ELP4: variants seen among roughly 807,000 people sequenced by gnomAD.
The protein encoded by ELP4 is elongator acetyltransferase complex subunit 4.
ELP4 carries 51 observed loss-of-function variants against 48.9 expected under a neutral mutation model. The observed-to-expected ratio is 1.04, with a 90% CI of 0.83 to 1.32. The LOEUF is 1.32. Ranked by LOEUF, ELP4 falls within the 40% of genes most tolerant of loss-of-function variation. The pLI, the probability that ELP4 is intolerant of heterozygous loss-of-function variation, is 0.00. For missense variants in ELP4, 519 were observed against 514.6 expected (o/e 1.01, Z -0.08); for synonymous variants, 210 against 189.2 (o/e 1.11, Z -0.90).
chr11:31,510,899 T>C (rs1955985377), intron 1 of ELP4: 1 of 152,368 alleles, frequency 6.6e-6, no homozygotes, highest in African/African-American at 2.4e-5. Flanking sequence ...TAAAACCCCG[T>C]CTGTGTTTAC....
At chr11:31,522,441 A>T (rs1487411204) in intron 2 of ELP4, among the ~76,000 whole-genome samples, 1 of 152,198 alleles carries the variant, frequency 6.6e-6, no homozygotes, top group Non-Finnish European at 1.5e-5. Flanking sequence ...AATACATCTT[A>T]GACCTCAATT....
chr11:31,565,625 C>A lies in ELP4; in HGVS notation c.381+25842C>A, dbSNP rs7113334. ...AGTTTTCCCAGCACCATTTATTAAA[C>A]AGAGAATCCTTTCCCCATCTCTTGT... On this transcript the variant is annotated intron_variant, in intron 3 of 9. Transcript: ENST00000640961. Among the ~76,000 whole-genome samples, 245 of 142,196 alleles carry A rather than the reference C, an allele frequency of 1.7e-3. 1 individual carries two copies. The highest frequency in any genetic ancestry group is 2.9e-3 in the Non-Finnish European group (194 of 66,400). 93.3% of individuals were successfully genotyped at this position (142,196 alleles called of 152,430 possible).
intron 7 of ELP4, among the ~76,000 whole-genome samples, chr11:31,641,918 G>A (rs899998265): frequency 6.6e-6 from 1 of 151,824 alleles, no homozygotes; most frequent in South Asian, 2.1e-4. Context: ...TTCAAGGCAG[G>A]GCGTGAGCTT....
chr11:31,631,214 A>G (rs1332336658), intron 6 of ELP4, among the ~76,000 whole-genome samples: 1 of 152,178 alleles, frequency 6.6e-6, no homozygotes, highest in Non-Finnish European at 1.5e-5. Context: ...ATATTGTGTT[A>G]GACAATAACT....
At position 31,789,979 on chromosome 11, in the gene ELP4, G is replaced by A. The variant is rs369180308; in HGVS notation, c.*6455G>A. ...ATTGAGACATATCAGGTTCACTTCC[G>A]GGAACTTGAACTGGAACTGACACAC... On this transcript the variant is annotated 3_prime_UTR_variant, in exon 10 of 10. Coordinates refer to ENST00000640961, the MANE Select transcript of ELP4 (RefSeq NM_019040.5). The A allele has an allele frequency of 1.3e-5, 20 of 1,599,052 alleles. No individual in the cohort carries two copies. Among genetic ancestry groups the A allele is most frequent in the Admixed American group, 6.9e-5 (4 of 58,030 alleles).
intron 9 of ELP4, among the ~76,000 whole-genome samples, chr11:31,735,728 G>T (rs980864610): frequency 1.3e-5 from 2 of 152,064 alleles, no homozygotes; most frequent in Admixed American, 1.3e-4. Context: ...ATTCACAATT[G>T]CTTCAAAGAG....
At chr11:31,716,883 A>G (rs946310871) in intron 9 of ELP4, among the ~76,000 whole-genome samples, 1 of 152,252 alleles carries the variant, frequency 6.6e-6, no homozygotes, top group African/African-American at 2.4e-5. Context: ...AAGAATTCAG[A>G]GAAAAGAGAA....
intron 9 of ELP4, among the ~76,000 whole-genome samples, chr11:31,777,051 C>T (rs188637668): frequency 6.6e-6 from 1 of 152,130 alleles, no homozygotes; most frequent in East Asian, 1.9e-4. Flanking sequence ...CTCCACATTG[C>T]AAATCCTAAC....
intron 9 of ELP4, among the ~76,000 whole-genome samples, chr11:31,672,728 A>G (rs1945834258): frequency 6.6e-6 from 1 of 152,118 alleles, no homozygotes; most frequent in Non-Finnish European, 1.5e-5. Flanking sequence ...GGTCAAGGCT[A>G]TGGTGAGCCA....
chr11:31,707,656 A>G (rs1286349807), intron 9 of ELP4, among the ~76,000 whole-genome samples: 1 of 152,154 alleles, frequency 6.6e-6, no homozygotes, highest in Non-Finnish European at 1.5e-5. Flanking sequence ...GGCTTAAAAT[A>G]ACATAAATTA....
intron 9 of ELP4, among the ~76,000 whole-genome samples, chr11:31,695,786 C>CCGT (rs1444856988): frequency 2.0e-5 from 2 of 102,308 alleles, no homozygotes; most frequent in Non-Finnish European, 4.2e-5. Flanking sequence ...GGCTGTGAAT[C>CCGT]CATCTGATCC....
intron 9 of ELP4, among the ~76,000 whole-genome samples, chr11:31,661,265 A>G (rs534893868): frequency 9.9e-5 from 15 of 152,220 alleles, no homozygotes; most frequent in Admixed American, 3.3e-4. Flanking sequence ...AGAAGCAAAT[A>G]ATGATAAATT....
rs111761772 is a variant in ELP4, at chr11:31,520,921, G to A, written c.259+830G>A. ...TTCATTTTCTCCTGAATCATGCCCC[G>A]ACCTAAATACAGTATTCCAAATGTA... On this transcript the variant is annotated intron_variant, in intron 2 of 9. Transcript: ENST00000640961. Among the ~76,000 whole-genome samples the A allele has an allele frequency of 4.0e-3, 607 of 151,910 alleles. 6 individuals carry two copies. The highest frequency in any genetic ancestry group is 0.014 in the African/African-American group (565 of 41,416).
intron 3 of ELP4, among the ~76,000 whole-genome samples, chr11:31,541,652 G>C (rs963528277): frequency 1.3e-4 from 20 of 152,064 alleles, no homozygotes; most frequent in Non-Finnish European, 1.0e-4. Flanking sequence ...TTTCAACCCA[G>C]GTAGCTGATG....
At chr11:31,763,460 G>A in intron 9 of ELP4, 1 of 1,610,240 alleles carries the variant, frequency 6.2e-7, no homozygotes, top group African/African-American at 1.3e-5. Flanking sequence ...TATCCTCCAG[G>A]CTTCTCATAC....
intron 5 of ELP4, among the ~76,000 whole-genome samples, chr11:31,623,980 TCAGG>T (rs1171683835): frequency 1.2e-4 from 18 of 151,778 alleles, no homozygotes; most frequent in African/African-American, 4.1e-4. Flanking sequence ...TTATTCATCA[TCAGG>T]GAAATGTACA....
At chr11:31,609,428 T>C (rs555778598) in intron 5 of ELP4, among the ~76,000 whole-genome samples, 15 of 152,220 alleles carry the variant, frequency 9.9e-5, no homozygotes, top group Non-Finnish European at 1.8e-4. Flanking sequence ...TTAAGAACAA[T>C]AGTTTTTTCC....
chr11:31,522,859 C>CTTT (rs1161716080), intron 2 of ELP4, among the ~76,000 whole-genome samples: 1 of 138,014 alleles, frequency 7.2e-6, no homozygotes, highest in Non-Finnish European at 1.6e-5. Flanking sequence ...AAGTTCTCCA[C>CTTT]TTTTTTTTTT....
At chr11:31,673,395 A>G (rs1164021310) in intron 9 of ELP4, among the ~76,000 whole-genome samples, 3 of 152,134 alleles carry the variant, frequency 2.0e-5, no homozygotes, top group Admixed American at 6.5e-5. Context: ...CAGTGGTGTC[A>G]TCATAGCTCA....
Sources: allele counts gnomAD v4.1 joint callset (sites outside exome capture counted in the v4.1 genomes callset), GRCh38; gene constraint gnomAD v4.1.1; transcripts MANE v1.5; gene names NCBI Gene and HGNC (gene_info 2026-07-23, HGNC 2026-07-21).